Variants in PDZD2 observed in about 807,000 individuals in gnomAD.
The protein encoded by PDZD2 is PDZ domain containing 2, also known as PDZ domain-containing protein 2.
Under a neutral mutation model 220.7 loss-of-function variants are expected in PDZD2, and 90 were observed. That is an observed-to-expected ratio of 0.41 (90% CI 0.34 to 0.49). The LOEUF (loss-of-function observed/expected upper bound fraction) is 0.49. PDZD2 is among the 20% of genes least tolerant of loss of function. The pLI is 0.28. For missense variants in PDZD2, 3,174 were observed against 3,608.5 expected (o/e 0.88, Z 3.08); for synonymous variants, 1,375 against 1,450.5 (o/e 0.95, Z 1.18).
intron 1 of PDZD2, among the ~76,000 whole-genome samples, chr5:31,673,145 G>A (rs527560204): frequency 1.8e-4 from 28 of 152,288 alleles, no homozygotes; most frequent in African/African-American, 6.0e-4. Flanking sequence ...TCAGTGGCAG[G>A]GCTCCCCTGG....
chr5:31,733,218 T>A (rs550527442), intron 1 of PDZD2, among the ~76,000 whole-genome samples: 1 of 152,280 alleles, frequency 6.6e-6, no homozygotes, highest in South Asian at 2.1e-4. Context: ...GTACAGGGGC[T>A]GCCCTGGGGT....
chr5:31,687,753 C>T (rs1293012688), intron 1 of PDZD2, among the ~76,000 whole-genome samples: 1 of 152,204 alleles, frequency 6.6e-6, no homozygotes, highest in African/African-American at 2.4e-5. Context: ...CTCGGTTTGC[C>T]ACCTTCTCTT....
intron 14 of PDZD2, among the ~76,000 whole-genome samples, chr5:32,062,794 C>T (rs1349134185): frequency 6.6e-6 from 1 of 152,126 alleles, no homozygotes; most frequent in East Asian, 1.9e-4. Flanking sequence ...TTGAAATTCT[C>T]CTGACCATGA....
intron 1 of PDZD2, among the ~76,000 whole-genome samples, chr5:31,675,660 A>C (rs1301355132): frequency 6.6e-6 from 1 of 152,200 alleles, no homozygotes; most frequent in Non-Finnish European, 1.5e-5. Context: ...CTTACATTCT[A>C]TCAGTCCTTA....
At chr5:31,645,088 G>T (rs1236601958) in intron 1 of PDZD2, among the ~76,000 whole-genome samples, 1 of 152,162 alleles carries the variant, frequency 6.6e-6, no homozygotes, top group Non-Finnish European at 1.5e-5. Flanking sequence ...GATATCCACA[G>T]GAGGATTTAA....
intron 2 of PDZD2, among the ~76,000 whole-genome samples, chr5:31,928,655 T>C (rs1745000674): frequency 6.6e-6 from 1 of 152,160 alleles, no homozygotes; most frequent in Admixed American, 6.6e-5. Flanking sequence ...TTTGTATTTT[T>C]AGTAGAGATG....
rs947382608 is a variant in PDZD2, at chr5:31,994,191, T to A, written c.979-1385T>A. ...CACCACCACGCCTGGCTAATTTTTT[T>A]ATATTTTTAGTAGAGATGTTGGACA... On this transcript the variant is annotated intron_variant, in intron 3 of 24. Coordinates refer to ENST00000438447, the MANE Select transcript of PDZD2 (RefSeq NM_178140.4). Among the ~76,000 whole-genome samples the A allele has an allele frequency of 2.0e-5, 3 of 151,588 alleles. No individual in the cohort carries two copies. In the East Asian group the frequency reaches 5.8e-4, roughly 29 times the overall value.
intron 1 of PDZD2, among the ~76,000 whole-genome samples, chr5:31,717,251 C>T (rs1748509384): frequency 6.6e-6 from 1 of 152,096 alleles, no homozygotes; most frequent in South Asian, 2.1e-4. Context: ...TGTGTGGAGG[C>T]CCTCAGTTAA....
chr5:31,694,910 G>A (rs1580577807), intron 1 of PDZD2, among the ~76,000 whole-genome samples: 1 of 152,158 alleles, frequency 6.6e-6, no homozygotes, highest in East Asian at 1.9e-4. Flanking sequence ...GATCAACTGA[G>A]ATTAGGACTT....
At chr5:31,957,010 A>G (rs1355397312) in intron 2 of PDZD2, among the ~76,000 whole-genome samples, 1 of 152,070 alleles carries the variant, frequency 6.6e-6, no homozygotes, top group African/African-American at 2.4e-5. Flanking sequence ...TACTATACCT[A>G]TAGGAGATCA....
intron 1 of PDZD2, among the ~76,000 whole-genome samples, chr5:31,789,926 CA>C (rs975363532): frequency 4.6e-5 from 7 of 151,254 alleles, no homozygotes; most frequent in Admixed American, 1.3e-4. Flanking sequence ...CTCCAAACAA[CA>C]AAAAAAAATT....
At chr5:32,014,827 C>T (rs904256251) in intron 6 of PDZD2, among the ~76,000 whole-genome samples, 14 of 148,780 alleles carry the variant, frequency 9.4e-5, no homozygotes, top group East Asian at 4.0e-4. Flanking sequence ...GCGATTCTTC[C>T]GCCTCAGTCT....
intron 22 of PDZD2, 84 bp downstream of exon 22, chr5:32,097,464 C>T (rs768299312): frequency 2.5e-5 from 21 of 828,050 alleles, no homozygotes; most frequent in Non-Finnish European, 3.4e-5. Context: ...TTCCAATCAG[C>T]GGGTTCAGAG....
intron 2 of PDZD2, among the ~76,000 whole-genome samples, chr5:31,914,902 C>G (rs1158208221): frequency 6.6e-6 from 1 of 152,090 alleles, no homozygotes; most frequent in Non-Finnish European, 1.5e-5. Context: ...GTGGAGGTAG[C>G]ATGAAATATT....
chr5:31,648,062 CCTT>C (rs1745199675), intron 1 of PDZD2, among the ~76,000 whole-genome samples: 1 of 152,172 alleles, frequency 6.6e-6, no homozygotes, highest in South Asian at 2.1e-4. Flanking sequence ...CCAACATTCT[CCTT>C]CTCAATGTAC....
intron 24 of PDZD2, among the ~76,000 whole-genome samples, chr5:32,101,559 G>A (rs549986339): frequency 1.8e-4 from 28 of 152,278 alleles, no homozygotes; most frequent in African/African-American, 6.5e-4. Flanking sequence ...CCCCTGTACT[G>A]CAGCAGTTCC....
chr5:32,042,472 C>T (rs981550831), intron 7 of PDZD2, among the ~76,000 whole-genome samples: 3 of 151,982 alleles, frequency 2.0e-5, no homozygotes, highest in Admixed American at 2.0e-4. Flanking sequence ...ACTCGGGAAC[C>T]TGAGGCAGGA....
chr5:31,699,344 C>T lies in PDZD2; in HGVS notation c.-361+59907C>T, dbSNP rs370959789. ...GAGCTGAATGTTGAAGGCAGAGGCA[C>T]GAAGCAGCACAGACTGTTCAGGAAA... On this transcript the variant is annotated intron_variant, in intron 1 of 24. Transcript: ENST00000438447. 7.2e-5 allele frequency among the ~76,000 whole-genome samples: 11 copies of T among 152,086 alleles called. No homozygotes were observed. In the East Asian group the frequency reaches 1.2e-3, roughly 16 times the overall value.
In PDZD2 at chr5:32,000,388, T is replaced by C; in HGVS notation, c.1254+117T>C. ...CATGTGTGCACTTGTACGTTTGCCT[T>C]GGGCTATTGAAACAGCCTTGCTTCC... On this transcript the variant is annotated intron_variant, in intron 5 of 24. Coordinates refer to ENST00000438447, the MANE Select transcript of PDZD2 (RefSeq NM_178140.4). This position sits in a 1 kb window ranked among gnomAD's most constrained non-coding sequence, Gnocchi z 4.5. The C allele has an allele frequency of 9.0e-7, 1 of 1,115,124 alleles. No homozygotes were observed. Among genetic ancestry groups the C allele is most frequent in the Non-Finnish European group, 1.3e-6 (1 of 742,956 alleles). 69.1% of individuals were successfully genotyped at this position (1,115,124 alleles called of 1,614,324 possible).
Sources: allele counts gnomAD v4.1 joint callset (sites outside exome capture counted in the v4.1 genomes callset), GRCh38; gene constraint gnomAD v4.1.1; non-coding constraint Gnocchi (gnomAD v3.1); transcripts MANE v1.5; gene names NCBI Gene and HGNC (gene_info 2026-07-23, HGNC 2026-07-21).